The following FBXL19 variants were observed in gnomAD, a reference collection of about 807,000 sequenced individuals.
The protein encoded by FBXL19 is F-box and leucine rich repeat protein 19, also known as F-box/LRR-repeat protein 19.
FBXL19 carries 16 observed loss-of-function variants against 71.2 expected under a neutral mutation model. The observed-to-expected ratio is 0.22, with a 90% CI of 0.15 to 0.34. The LOEUF is 0.34. Among genes scored for constraint, FBXL19 ranks in the 10% least tolerant of loss-of-function variants. The pLI is 1.00. For synonymous variants in FBXL19, 447 were observed against 409.4 expected (o/e 1.09, Z -1.11); for missense variants, 658 against 968.2 (o/e 0.68, Z 4.25).
chr16:30,927,246 A>C, intron 2 of FBXL19, 62 bp from the exon 3 acceptor site: 1 of 1,485,026 alleles, frequency 6.7e-7, no homozygotes, highest in Non-Finnish European at 9.0e-7. Flanking sequence ...GGTCCCTAGA[A>C]GGAAGGGTCT....
chr16:30,928,110 G>C (rs1461014999), intron 5 of FBXL19, 147 bp downstream of exon 5: 4 of 616,260 alleles, frequency 6.5e-6, no homozygotes, highest in Non-Finnish European at 8.3e-6. Context: ...GGAGTTGGGT[G>C]GGGGGAGGAT....
chr16:30,928,644 C>T lies in FBXL19; in HGVS notation c.789+16C>T, dbSNP rs770209716. On this transcript the variant is annotated intron_variant, in intron 6 of 10. Coordinates refer to ENST00000338343, the MANE Select transcript of FBXL19 (RefSeq NM_001382779.1). The stretch of plus-strand genomic sequence containing the variant: ...GAACTGGGAGGTGTGCCGGGGACCT[C>T]CTCCCTCCCCTTCCCACCTTCCCTT... 3 of 1,520,010 alleles carry T rather than the reference C, an allele frequency of 2.0e-6. No homozygotes were observed. Among genetic ancestry groups the T allele is most frequent in the East Asian group, 5.0e-5 (2 of 39,682 alleles). The allele number at this position is 1,520,010 out of a possible 1,614,324, so 94.2% of individuals were successfully genotyped here.
rs1304513112 is a variant in FBXL19, at chr16:30,948,584, G to A, written c.*1354G>A. 2.0e-5 allele frequency: 3 copies of A among 151,218 alleles called. No individual in the cohort carries two copies. The highest frequency in any genetic ancestry group is 7.3e-5 in the African/African-American group (3 of 41,108). The allele number at this position is 151,218 out of a possible 1,614,324, so 9.4% of individuals were successfully genotyped here. A position where few individuals can be genotyped will look rare whatever the true frequency, so the allele number is the denominator to read the frequency against. Reference sequence around the variant, plus strand: ...CATACCTCAGGTAACAGGGAGGTGCGCGGGTGGGGGGAGGGCTGGGCGGAC... The same window carrying A: ...CATACCTCAGGTAACAGGGAGGTGCACGGGTGGGGGGAGGGCTGGGCGGAC... On this transcript the variant is annotated 3_prime_UTR_variant, in exon 11 of 11. Transcript: ENST00000338343.
rs1400290303 is a variant in FBXL19 at position 30,930,274 on chromosome 16, C to T, written c.991C>T (p.Arg331Trp). The change falls in exon 7 of 11, where the codon CGG becomes TGG. Residue 331 changes from arginine to tryptophan, a missense_variant. Physicochemically the swap from Arg to Trp is moderately radical, Grantham distance 101 (BLOSUM62 -3). Coordinates refer to ENST00000338343, the MANE Select transcript of FBXL19 (RefSeq NM_001382779.1). This position sits in a 1 kb window ranked among gnomAD's most constrained non-coding sequence, Gnocchi z 8.5. ...TGAGGACGAAGCCCCCGGCGAGGCC[C>T]GGAATGGGCGACGGCCAGCCCGGGG... ...LSEDEAPGEA[R>W]NGRRPARGSS... 5.0e-6 allele frequency: 8 copies of T among 1,612,640 alleles called. No individual in the cohort carries two copies. Among genetic ancestry groups the T allele is most frequent in the Admixed American group, 1.7e-5 (1 of 60,022 alleles).
At position 30,948,310 on chromosome 16, in the gene FBXL19, C is replaced by G. The variant is rs1285713282; in HGVS notation, c.*1080C>G. ...GTATCCCATTTGCCCAGGGAACTGC[C>G]ACTCCTGGTTGCCATGGAAATAGCA... On this transcript the variant is annotated 3_prime_UTR_variant, in exon 11 of 11. Transcript: ENST00000338343. 1 of 152,970 alleles carries G rather than the reference C, an allele frequency of 6.5e-6. No homozygotes were observed. The highest frequency in any genetic ancestry group is 1.9e-4 in the East Asian group (1 of 5,192). 9.5% of individuals were successfully genotyped at this position (152,970 alleles called of 1,614,324 possible).
In FBXL19 at chr16:30,925,847, G is replaced by A; in HGVS notation, c.93G>A (p.Gly31=). The change falls in exon 2 of 11, where the codon GGG becomes GGA. Residue 31 remains glycine, a synonymous_variant. Transcript: ENST00000338343. The surrounding 1 kb of genome is among the most constrained non-coding windows in gnomAD (Gnocchi z 5.0). Reference sequence around the variant, plus strand: ...GGGCCTGTGTGCGAACTGAGTGCGGGGATTGCCACTTCTGCCGAGACATGA... The same window carrying A: ...GGGCCTGTGTGCGAACTGAGTGCGGAGATTGCCACTTCTGCCGAGACATGA... The part of the protein sequence containing the change: ...RCRACVRTEC[G]DCHFCRDMKK... 6.6e-7 allele frequency: 1 copy of A among 1,512,582 alleles called. No homozygotes were observed. The highest frequency in any genetic ancestry group is 1.3e-5 in the South Asian group (1 of 77,022). 93.7% of individuals were successfully genotyped at this position (1,512,582 alleles called of 1,614,324 possible). A position where few individuals can be genotyped will look rare whatever the true frequency, so the allele number is the denominator to read the frequency against.
chr16:30,936,597 TTTTC>T (rs2055736536), intron 7 of FBXL19, among the ~76,000 whole-genome samples: 1 of 143,872 alleles, frequency 7.0e-6, no homozygotes, highest in Non-Finnish European at 1.5e-5. Context: ...GGCTAATTTT[TTTTC>T]TTTTTTTTTT....
chr16:30,934,919 T>A (rs1596653609), intron 7 of FBXL19, among the ~76,000 whole-genome samples: 1 of 152,146 alleles, frequency 6.6e-6, no homozygotes, highest in Non-Finnish European at 1.5e-5. Context: ...GCAGCTTTGA[T>A]GAAGAGGGCA....
chr16:30,932,295 G>C (rs755274442), intron 7 of FBXL19, among the ~76,000 whole-genome samples: 2 of 152,142 alleles, frequency 1.3e-5, no homozygotes, highest in Non-Finnish European at 2.9e-5. Context: ...TGCCCTTGAA[G>C]AGCATATAGT....
chr16:30,933,600 CCA>C (rs2055698897), intron 7 of FBXL19, among the ~76,000 whole-genome samples: 1 of 152,054 alleles, frequency 6.6e-6, no homozygotes, highest in African/African-American at 2.4e-5. Context: ...CAGGCACATG[CCA>C]CTGTGCCTGG....
chr16:30,939,658 T>TC (rs1303479843), intron 7 of FBXL19, among the ~76,000 whole-genome samples: 1 of 151,856 alleles, frequency 6.6e-6, no homozygotes, highest in African/African-American at 2.4e-5. Flanking sequence ...GACCTAGTGA[T>TC]CCACCCACCT....
Position 30,927,439 on chromosome 16 carries a change from C to A in FBXL19, c.309C>A (p.Pro103=). Residue 103 remains proline, a synonymous_variant, in exon 3 of 11, where the codon CCC becomes CCA. Transcript: ENST00000338343. The part of the protein sequence containing the change: ...ECTICNEIVH[P]GCLKMGKAEG... ...CAATCTGCAACGAGATCGTCCACCCCGGCTGCCTGAAGGTGATGGCCCTGG... is the reference window on the plus strand; with the variant it reads ...CAATCTGCAACGAGATCGTCCACCCAGGCTGCCTGAAGGTGATGGCCCTGG... 6.3e-7 allele frequency: 1 copy of A among 1,589,696 alleles called. No individual in the cohort carries two copies. The highest frequency in any genetic ancestry group is 8.6e-7 in the Non-Finnish European group (1 of 1,168,082).
chr16:30,931,100 G>A (rs1210282152), intron 7 of FBXL19, among the ~76,000 whole-genome samples: 1 of 152,026 alleles, frequency 6.6e-6, no homozygotes, highest in Non-Finnish European at 1.5e-5. Context: ...CTCCTGACTC[G>A]GTTCCTGCTT....
At chr16:30,938,053 G>A (rs1026323097) in intron 7 of FBXL19, among the ~76,000 whole-genome samples, 1 of 152,078 alleles carries the variant, frequency 6.6e-6, no homozygotes, top group East Asian at 1.9e-4. Context: ...GTTTTGAATT[G>A]GAGAGATTTG....
intron 6 of FBXL19, among the ~76,000 whole-genome samples, 175 bp downstream of exon 6, chr16:30,928,803 A>C (rs1015710543): frequency 2.0e-5 from 3 of 152,262 alleles, no homozygotes; most frequent in Admixed American, 2.0e-4. Flanking sequence ...AGTCCAGGCC[A>C]CAGGAGCCCC....
Position 30,946,249 on chromosome 16 carries a change from G to C in FBXL19, c.1628-481G>C, listed in dbSNP as rs1567342625. ...GATGGAGTCTCGCTCTGTTGCCCAG[G>C]CTGGGGTGCAGTGGCACAATCGTGG... On this transcript the variant is annotated intron_variant, in intron 9 of 10. Transcript: ENST00000338343. The surrounding 1 kb of genome is among the most constrained non-coding windows in gnomAD (Gnocchi z 6.7). Among the ~76,000 whole-genome samples, 1 of 152,110 alleles carries C rather than the reference G, an allele frequency of 6.6e-6. No homozygotes were observed.
intron 7 of FBXL19, among the ~76,000 whole-genome samples, chr16:30,937,092 C>T (rs2055747035): frequency 6.6e-6 from 1 of 152,046 alleles, no homozygotes; most frequent in Non-Finnish European, 1.5e-5. Context: ...ATGTTGACCT[C>T]CTAGGGCTGG....
At chr16:30,927,046 C>T (rs527606832) in intron 2 of FBXL19, among the ~76,000 whole-genome samples, 2 of 152,346 alleles carry the variant, frequency 1.3e-5, no homozygotes, top group East Asian at 1.9e-4. Context: ...ATATCAGTGT[C>T]TCTCGCGTAT....
intron 7 of FBXL19, among the ~76,000 whole-genome samples, chr16:30,938,829 G>T (rs1462381651): frequency 2.0e-5 from 3 of 151,808 alleles, no homozygotes; most frequent in Non-Finnish European, 4.4e-5. Flanking sequence ...GCAGATACGA[G>T]GTTTCACCGT....
Sources: gnomAD v4.1 joint callset for allele counts (sites outside exome capture counted in the v4.1 genomes callset) on GRCh38, gnomAD v4.1.1 for gene constraint, Gnocchi (gnomAD v3.1) non-coding constraint, MANE v1.5 for transcripts, NCBI Gene and HGNC (gene_info 2026-07-23, HGNC 2026-07-21) for gene names.